The following PTP4A3 variants were observed in gnomAD, a reference collection of about 807,000 sequenced individuals.
The protein encoded by PTP4A3 is protein tyrosine phosphatase type IVA 3.
A neutral mutation model predicts 15.2 loss-of-function variants in PTP4A3; 9 were observed. The ratio of observed to expected loss-of-function variants is 0.59; its 90% CI spans 0.36 to 1.03. The LOEUF is 1.03. Ranked by LOEUF, PTP4A3 falls within the 50% of genes least tolerant of loss-of-function variation. PTP4A3 has a pLI of 0.02. For missense variants in PTP4A3, 234 were observed against 252.1 expected (o/e 0.93, Z 0.49); for synonymous variants, 95 against 102.0 (o/e 0.93, Z 0.41).
Position 141,406,706 on chromosome 8 carries a change from G to A in PTP4A3, c.-854+14622G>A, listed in dbSNP as rs1053374481. On this transcript the variant is annotated intron_variant, in intron 1 of 5. Transcript: ENST00000521578. This position sits in a 1 kb window ranked among gnomAD's most constrained non-coding sequence, Gnocchi z 4.5. ...GGCACAGAAGATGGCGAGTGGTGAC[G>A]GCTGTGTTGCCTGCATGCCACCGAC... Among the ~76,000 whole-genome samples, 4 of 152,112 alleles carry A rather than the reference G, an allele frequency of 2.6e-5. No homozygotes were observed. The highest frequency in any genetic ancestry group is 6.5e-5 in the Admixed American group (1 of 15,276).
At chr8:141,392,987 G>A (rs1832334704) in intron 1 of PTP4A3, among the ~76,000 whole-genome samples, 1 of 152,150 alleles carries the variant, frequency 6.6e-6, no homozygotes, top group Non-Finnish European at 1.5e-5. Context: ...CACGATGGTG[G>A]GTGTTGGGCA....
Position 141,431,311 on chromosome 8 carries a change from C to T in PTP4A3, c.*267C>T, listed in dbSNP as rs1021113167. ...GTGGCTCTGTCTCTCTGAGGTGGGT[C>T]GGGCGCCCTCTGCCCGCCCCCTCCC... On this transcript the variant is annotated 3_prime_UTR_variant, in exon 6 of 6. Coordinates refer to ENST00000521578, the MANE Select transcript of PTP4A3 (RefSeq NM_032611.3). 32 of 528,408 alleles carry T rather than the reference C, an allele frequency of 6.1e-5. No individual in the cohort carries two copies. The highest frequency in any genetic ancestry group is 7.7e-5 in the Non-Finnish European group (23 of 296,986). 32.7% of individuals were successfully genotyped at this position (528,408 alleles called of 1,614,324 possible).
At chr8:141,414,727 G>T (rs186375615) in intron 1 of PTP4A3, among the ~76,000 whole-genome samples, 222 of 152,042 alleles carry the variant, frequency 1.5e-3, no homozygotes, top group South Asian at 9.0e-3. Context: ...TGGCTGGGGG[G>T]AGCAGGGATA....
intron 5 of PTP4A3, among the ~76,000 whole-genome samples, chr8:141,429,981 T>G: frequency 1.1e-5 from 1 of 87,756 alleles, no homozygotes; most frequent in Admixed American, 1.0e-4. Flanking sequence ...ACGTCCCCGC[T>G]GTAAGGACCA....
At chr8:141,420,281 C>T (rs574715408) in intron 1 of PTP4A3, among the ~76,000 whole-genome samples, 227 of 152,290 alleles carry the variant, frequency 1.5e-3, no homozygotes, top group African/African-American at 5.4e-3. Flanking sequence ...AGCTGGGTCA[C>T]AGCCAGGGCC....
chr8:141,422,526 G>A (rs1041169271), intron 2 of PTP4A3, among the ~76,000 whole-genome samples, 181 bp downstream of exon 2: 6 of 152,168 alleles, frequency 3.9e-5, no homozygotes, highest in South Asian at 4.2e-4. Flanking sequence ...GGGGTGCCCC[G>A]GGGGTTGGGG....
intron 1 of PTP4A3, among the ~76,000 whole-genome samples, chr8:141,412,404 G>T (rs2129954558): frequency 6.6e-6 from 1 of 152,310 alleles, no homozygotes; most frequent in South Asian, 2.1e-4. Context: ...CAGAACTCCT[G>T]TTCCCGTGAA....
At position 141,425,992 on chromosome 8, in the gene PTP4A3, C is replaced by A. The variant is rs539008079; in HGVS notation, c.198+852C>A. 1.9e-3 allele frequency among the ~76,000 whole-genome samples: 297 copies of A among 152,326 alleles called. No individual in the cohort carries two copies. Among genetic ancestry groups the A allele is most frequent in the Non-Finnish European group, 3.4e-3 (230 of 68,014 alleles). ...GGAAGAATGGGAGGCAAAGGCATGT[C>A]CCCGCTTCTCGCACGGGGTGCGCCC... On this transcript the variant is annotated intron_variant, in intron 3 of 5. Coordinates refer to ENST00000521578, the MANE Select transcript of PTP4A3 (RefSeq NM_032611.3). The surrounding 1 kb of genome is among the most constrained non-coding windows in gnomAD (Gnocchi z 4.2).
In PTP4A3 at chr8:141,431,397, C is replaced by T. The variant is rs1833870870; in HGVS notation, c.*353C>T. 1.0e-5 allele frequency: 3 copies of T among 294,830 alleles called. No individual in the cohort carries two copies. The highest frequency in any genetic ancestry group is 1.0e-4 in the South Asian group (2 of 19,284). The allele number at this position is 294,830 out of a possible 1,614,324, so 18.3% of individuals were successfully genotyped here. A position where few individuals can be genotyped will look rare whatever the true frequency, so the allele number is the denominator to read the frequency against. On this transcript the variant is annotated 3_prime_UTR_variant, in exon 6 of 6. Transcript: ENST00000521578. The stretch of plus-strand genomic sequence containing the variant: ...TGTGGGGTGGGGGTATATTTTGTAA[C>T]CACTGGGCCCCCAGCCCCTCTTTTG...
chr8:141,419,562 C>T (rs1179561892), intron 1 of PTP4A3, among the ~76,000 whole-genome samples: 1 of 145,710 alleles, frequency 6.9e-6, no homozygotes, highest in South Asian at 2.2e-4. Flanking sequence ...GGGTCCCACC[C>T]CACCACCGGT....
chr8:141,392,407 C>G (rs1832307935), intron 1 of PTP4A3: 1 of 152,242 alleles, frequency 6.6e-6, no homozygotes, highest in Admixed American at 6.5e-5. Flanking sequence ...AGACCTCCTA[C>G]CCTGAGTTCA....
At chr8:141,414,934 C>T (rs1586550467) in intron 1 of PTP4A3, among the ~76,000 whole-genome samples, 1 of 151,538 alleles carries the variant, frequency 6.6e-6, no homozygotes, top group Non-Finnish European at 1.5e-5. Flanking sequence ...GGAACAGCCC[C>T]TCCTCCACTG....
At position 141,401,119 on chromosome 8, in the gene PTP4A3, C is replaced by T. The variant is rs1041368933; in HGVS notation, c.-854+9035C>T. ...CAGCAGCCGGAGCTCACCCAGGGCA[C>T]ATCCTTAAACCTCAGGGTCCCCTGG... is the stretch of plus-strand genomic sequence containing the variant. On this transcript the variant is annotated intron_variant, in intron 1 of 5. Transcript: ENST00000521578. Among the ~76,000 whole-genome samples, 9 of 152,194 alleles carry T rather than the reference C, an allele frequency of 5.9e-5. 1 individual carries two copies. Among genetic ancestry groups the T allele is most frequent in the Admixed American group, 3.9e-4 (6 of 15,288 alleles).
rs1284441453 is a variant in PTP4A3, at chr8:141,421,855, A to G, written c.-386A>G. ...CGGCCGGGTTCACTTTGAGTTTTTA[A>G]GTTTTCTTTGCTGAGCTTTTTTGGT... On this transcript the variant is annotated 5_prime_UTR_variant, in exon 2 of 6. Transcript: ENST00000521578. The G allele has an allele frequency of 1.0e-5, 2 of 190,778 alleles. No homozygotes were observed. The highest frequency in any genetic ancestry group is 2.1e-5 in the Non-Finnish European group (2 of 94,110). The allele number at this position is 190,778 out of a possible 1,614,324, so 11.8% of individuals were successfully genotyped here.
chr8:141,430,790 C>T (rs1833834311), intron 5 of PTP4A3, 137 bp from the exon 6 acceptor site: 11 of 759,282 alleles, frequency 1.4e-5, no homozygotes, highest in Admixed American at 2.4e-5. Context: ...GTGCCAAGGC[C>T]CTGGGACAGG....
At chr8:141,418,866 G>A (rs1219492506) in intron 1 of PTP4A3, among the ~76,000 whole-genome samples, 2 of 152,190 alleles carry the variant, frequency 1.3e-5, no homozygotes, top group Non-Finnish European at 2.9e-5. Flanking sequence ...CCTCACTGGG[G>A]GCGTGTGGTT....
At chr8:141,414,144 T>C (rs990184468) in intron 1 of PTP4A3, among the ~76,000 whole-genome samples, 13 of 152,178 alleles carry the variant, frequency 8.5e-5, no homozygotes, top group Admixed American at 3.9e-4. Context: ...GAGCTTCCCA[T>C]TGGGCGGTTT....
intron 5 of PTP4A3, 54 bp downstream of exon 5, chr8:141,427,878 G>A (rs1187715076): frequency 2.7e-6 from 4 of 1,485,788 alleles, no homozygotes; most frequent in South Asian, 2.4e-5. Context: ...GGGGAGATCC[G>A]GCTGCCCACG....
chr8:141,419,602 G>A (rs1319848366), intron 1 of PTP4A3, among the ~76,000 whole-genome samples: 28 of 119,828 alleles, frequency 2.3e-4, no homozygotes, highest in Non-Finnish European at 3.7e-4. Context: ...ACGGAGTTTT[G>A]CTCTTGTTGC....
Sources: gnomAD v4.1 joint callset for allele counts (sites outside exome capture counted in the v4.1 genomes callset) on GRCh38, gnomAD v4.1.1 for gene constraint, Gnocchi (gnomAD v3.1) non-coding constraint, MANE v1.5 for transcripts, NCBI Gene and HGNC (gene_info 2026-07-23, HGNC 2026-07-21) for gene names.